The following MTMR10 variants were observed in gnomAD, a reference collection of about 807,000 sequenced individuals.
The protein encoded by MTMR10 is myotubularin related protein 10.
Under a neutral mutation model 88.1 loss-of-function variants are expected in MTMR10, and 56 were observed. That is an observed-to-expected ratio of 0.64 (90% CI 0.51 to 0.79). The LOEUF (loss-of-function observed/expected upper bound fraction) is 0.79. Among genes scored for constraint, MTMR10 ranks in the 30% least tolerant of loss-of-function variants. The probability of loss-of-function intolerance (pLI) is 0.00; values close to 1 mark genes in which losing one functional copy is unlikely to be tolerated. For synonymous variants in MTMR10, 380 were observed against 340.9 expected, an observed-to-expected ratio of 1.11 and a Z score of -1.26; for missense variants, 883 against 924.7, an observed-to-expected ratio of 0.95 and a Z score of 0.58.
Position 30,959,142 on chromosome 15 carries a change from T to C in MTMR10, c.759-21A>G, listed in dbSNP as rs75173992. 1.9e-6 allele frequency: 3 copies of C among 1,550,818 alleles called. No homozygotes were observed. In the African/African-American group the frequency reaches 4.1e-5, roughly 21 times the overall value. On this transcript the variant is annotated intron_variant, in intron 7 of 15. Coordinates refer to ENST00000435680, the MANE Select transcript of MTMR10 (RefSeq NM_017762.3). ...GAAGGCTGGAGGGGAAAAAAAAAAT[T>C]ATATGAGTGCTGTGCTAAAAGCAGG...
At chr15:30,978,683 T>G (rs913648767) in intron 2 of MTMR10, among the ~76,000 whole-genome samples, 1 of 152,140 alleles carries the variant, frequency 6.6e-6, no homozygotes, top group African/African-American at 2.4e-5. Flanking sequence ...GATAAAGGAT[T>G]TGCACCCAAA....
chr15:30,921,552 T>TTTG, the MTMR10 span, among the ~76,000 whole-genome samples: 1 of 152,200 alleles, frequency 6.6e-6, no homozygotes, highest in Non-Finnish European at 1.5e-5. Flanking sequence ...AAATGGGATC[T>TTTG]TACAAAGAGG....
intron 14 of MTMR10, chr15:30,943,761 G>C: frequency 1.0e-6 from 1 of 985,272 alleles, no homozygotes; most frequent in Non-Finnish European, 1.2e-6. Context: ...CAAGGCTACA[G>C]GGTGACAGCC....
At chr15:30,973,797 G>A (rs1173324450) in intron 5 of MTMR10, among the ~76,000 whole-genome samples, 1 of 152,148 alleles carries the variant, frequency 6.6e-6, no homozygotes, top group South Asian at 2.1e-4. Flanking sequence ...AAATAAGGCA[G>A]TTAAAAAGTT....
chr15:30,975,275 A>G (rs1566964527), intron 3 of MTMR10, among the ~76,000 whole-genome samples: 1 of 152,216 alleles, frequency 6.6e-6, no homozygotes, highest in Non-Finnish European at 1.5e-5. Context: ...GCTGGCCACA[A>G]CATATTAAAG....
chr15:30,987,947 C>T (rs2031058374), intron 2 of MTMR10, among the ~76,000 whole-genome samples: 2 of 149,410 alleles, frequency 1.3e-5, no homozygotes, highest in East Asian at 2.0e-4. Context: ...ACTTCTGCAT[C>T]CCTGTATATA....
Position 30,940,465 on chromosome 15 carries a change from G to A in MTMR10, c.*1005C>T. 1 of 985,408 alleles carries A rather than the reference G, an allele frequency of 1.0e-6. No individual in the cohort carries two copies. The highest frequency in any genetic ancestry group is 1.2e-6 in the Non-Finnish European group (1 of 829,936). 61.0% of individuals were successfully genotyped at this position (985,408 alleles called of 1,614,324 possible). A position where few individuals can be genotyped will look rare whatever the true frequency, so the allele number is the denominator to read the frequency against. On this transcript the variant is annotated 3_prime_UTR_variant, in exon 16 of 16. Coordinates refer to ENST00000435680, the MANE Select transcript of MTMR10 (RefSeq NM_017762.3). ...GGAACTATGAGAGAAGGACATCTGTGCAGGTGCCCAACTCGTAACCTCATT... is the reference window on the plus strand; with the variant it reads ...GGAACTATGAGAGAAGGACATCTGTACAGGTGCCCAACTCGTAACCTCATT...
At chr15:30,965,813 A>G (rs1339300542) in intron 6 of MTMR10, 1 of 302,296 alleles carries the variant, frequency 3.3e-6, no homozygotes, top group Non-Finnish European at 6.6e-6. Context: ...ATTTTCTCAG[A>G]TAACTGCAGG....
At chr15:30,969,303 G>A (rs1351175514) in intron 5 of MTMR10, among the ~76,000 whole-genome samples, 2 of 151,814 alleles carry the variant, frequency 1.3e-5, no homozygotes, top group Non-Finnish European at 2.9e-5. Flanking sequence ...GTGGTATCTC[G>A]ATTTCTCAAT....
the MTMR10 span, among the ~76,000 whole-genome samples, chr15:30,920,911 G>C: frequency 2.0e-5 from 3 of 152,206 alleles, no homozygotes; most frequent in Non-Finnish European, 4.4e-5. Context: ...AGCCTCCTGA[G>C]TAGCTGGGAC....
chr15:30,934,633 G>T (rs993997689), downstream of MTMR10, among the ~76,000 whole-genome samples: 2 of 152,108 alleles, frequency 1.3e-5, no homozygotes, highest in African/African-American at 4.8e-5. Context: ...CACCTGCCGT[G>T]GTCTCTTAGT....
intron 14 of MTMR10, among the ~76,000 whole-genome samples, chr15:30,944,847 CA>C (rs1252010722): frequency 4.0e-5 from 6 of 150,492 alleles, no homozygotes; most frequent in Non-Finnish European, 5.9e-5. Context: ...CCTGACTCTA[CA>C]AAAAAATACA....
At chr15:30,927,841 C>T in the MTMR10 span, 1 of 985,592 alleles carries the variant, frequency 1.0e-6, no homozygotes, top group Non-Finnish European at 1.2e-6. Flanking sequence ...CAAGGCTGAC[C>T]CCCTCATCCC....
intron 5 of MTMR10, among the ~76,000 whole-genome samples, chr15:30,972,253 T>C (rs2063546101): frequency 6.6e-6 from 1 of 152,180 alleles, no homozygotes; most frequent in African/African-American, 2.4e-5. Context: ...GAATATGCCA[T>C]AATTTTTGTT....
At chr15:30,971,871 C>T (rs569176461) in intron 5 of MTMR10, among the ~76,000 whole-genome samples, 76 of 152,052 alleles carry the variant, frequency 5.0e-4, no homozygotes, top group Non-Finnish European at 8.5e-4. Context: ...TGTGACAGCT[C>T]GAGGATAATG....
the MTMR10 span, among the ~76,000 whole-genome samples, chr15:30,929,655 AAT>A: frequency 1.6e-5 from 1 of 62,564 alleles, no homozygotes; most frequent in Admixed American, 1.9e-4. Context: ...TATATAATAT[AAT>A]ATATGAAATA....
the MTMR10 span, among the ~76,000 whole-genome samples, chr15:30,930,150 CCT>C: frequency 6.6e-6 from 1 of 151,070 alleles, no homozygotes; most frequent in African/African-American, 2.4e-5. Flanking sequence ...CTTTGCCACC[CCT>C]GAGTTGACAG....
the MTMR10 span, among the ~76,000 whole-genome samples, chr15:30,926,174 A>T: frequency 6.6e-6 from 1 of 152,176 alleles, no homozygotes; most frequent in African/African-American, 2.4e-5. Flanking sequence ...AAAACTTATA[A>T]AAGTTATGGA....
chr15:30,942,865 TCA>T (rs1566944471), intron 15 of MTMR10, 23 bp downstream of exon 15: 1 of 1,543,318 alleles, frequency 6.5e-7, no homozygotes, highest in East Asian at 2.4e-5. Context: ...TGAGCCAACA[TCA>T]CGTTTTGTTA....
Sources: gnomAD v4.1 joint callset for allele counts (sites outside exome capture counted in the v4.1 genomes callset) on GRCh38, gnomAD v4.1.1 for gene constraint, MANE v1.5 for transcripts, NCBI Gene and HGNC (gene_info 2026-07-23, HGNC 2026-07-21) for gene names.